The following ROS1 variants were observed in gnomAD, a reference collection of about 807,000 sequenced individuals.
ROS1 encodes ROS proto-oncogene 1, receptor tyrosine kinase.
Under a neutral mutation model 273.5 loss-of-function variants are expected in ROS1, and 263 were observed. The ratio of observed to expected loss-of-function variants is 0.96; its 90% CI spans 0.87 to 1.06. The LOEUF (loss-of-function observed/expected upper bound fraction) is 1.06, where lower values mean the gene tolerates loss of function less well. Ranked by LOEUF, ROS1 falls within the 50% of genes least tolerant of loss-of-function variation. The pLI, the probability that ROS1 is intolerant of heterozygous loss-of-function variation, is 0.00. For synonymous variants in ROS1, 1,008 were observed against 954.1 expected, an observed-to-expected ratio of 1.06 and a Z score of -1.04; for missense variants, 2,833 against 2,751.1, an observed-to-expected ratio of 1.03 and a Z score of -0.67.
At chr6:117,389,248 TA>T (rs1338945799) in intron 13 of ROS1, 101 bp downstream of exon 13, 1 of 1,352,168 alleles carries the variant, frequency 7.4e-7, no homozygotes, top group Non-Finnish European at 1.0e-6. Context: ...GATGACTGAA[TA>T]GCCAAATGGG....
intron 28 of ROS1, 43 bp downstream of exon 28, chr6:117,344,017 G>A (rs565393305): frequency 7.9e-5 from 119 of 1,503,032 alleles, no homozygotes; most frequent in Non-Finnish European, 1.0e-4. Flanking sequence ...TATCAAAAAA[G>A]AACATCTTGT....
Position 117,407,849 on chromosome 6 carries a change from A to G in ROS1, c.316+1733T>C, listed in dbSNP as rs1416974999. Among the ~76,000 whole-genome samples, 3 of 152,222 alleles carry G rather than the reference A, an allele frequency of 2.0e-5. No individual in the cohort carries two copies. The South Asian group carries it at 6.2e-4, about 32-fold the overall frequency. ...GCTACAGTAACCAAAACAGCATGGT[A>G]CTGGTACCAAAACAGAAATATAGAC... On this transcript the variant is annotated intron_variant, in intron 5 of 43. Transcript: ENST00000368507.
intron 27 of ROS1, among the ~76,000 whole-genome samples, chr6:117,350,350 A>G (rs1778726773): frequency 6.6e-6 from 1 of 152,056 alleles, no homozygotes; most frequent in Admixed American, 6.5e-5. Context: ...GAAGTTGGAT[A>G]TAATTCTTAT....
rs1230559688 is a variant in ROS1 at position 117,396,268 on chromosome 6, T to C, written c.807-4A>G. 6.2e-7 allele frequency: 1 copy of C among 1,610,378 alleles called. No individual in the cohort carries two copies. The highest frequency in any genetic ancestry group is 1.3e-5 in the African/African-American group (1 of 74,948). The stretch of plus-strand genomic sequence containing the variant: ...ATTTACTGCTGCAATAGAAAACCTA[T>C]TCCAAAAACAATTTGGAGAGACGTG... On this transcript the variant is annotated splice_region_variant and splice_polypyrimidine_tract_variant and intron_variant, in intron 8 of 43. Transcript: ENST00000368507.
At chr6:117,395,742 T>C (rs1189246997) in intron 9 of ROS1, among the ~76,000 whole-genome samples, 1 of 152,140 alleles carries the variant, frequency 6.6e-6, no homozygotes, top group Non-Finnish European at 1.5e-5. Context: ...AATACTTATA[T>C]AGTAAAATGT....
At chr6:117,369,965 ATG>A (rs1216356874) in intron 18 of ROS1, among the ~76,000 whole-genome samples, 1 of 152,180 alleles carries the variant, frequency 6.6e-6, no homozygotes, top group African/African-American at 2.4e-5. Context: ...ATATACACAT[ATG>A]TATATACATA....
chr6:117,294,264 T>C (rs1358040494), intron 43 of ROS1, among the ~76,000 whole-genome samples: 4 of 152,066 alleles, frequency 2.6e-5, no homozygotes, highest in Non-Finnish European at 5.9e-5. Flanking sequence ...AGGATGGCCA[T>C]TTTCACCACT....
chr6:117,364,953 A>G, intron 21 of ROS1, 107 bp downstream of exon 21: 1 of 1,077,408 alleles, frequency 9.3e-7, no homozygotes, highest in Non-Finnish European at 1.4e-6. Flanking sequence ...GAATCTAAAC[A>G]CATCTATAAA....
chr6:117,395,540 T>C (rs34131577), intron 9 of ROS1, among the ~76,000 whole-genome samples: 9,831 of 152,196 alleles, frequency 0.065, 388 homozygotes, highest in Middle Eastern at 0.099. Context: ...TTGTGAATCT[T>C]TGGATGTTCT....
intron 6 of ROS1, among the ~76,000 whole-genome samples, chr6:117,403,922 A>G (rs1008210413): frequency 6.6e-6 from 1 of 152,216 alleles, no homozygotes; most frequent in Non-Finnish European, 1.5e-5. Context: ...CTTTACGCTT[A>G]TAAGTAATAA....
intron 43 of ROS1, among the ~76,000 whole-genome samples, chr6:117,297,213 A>C (rs921793397): frequency 1.3e-5 from 2 of 152,172 alleles, no homozygotes; most frequent in Non-Finnish European, 2.9e-5. Flanking sequence ...TACAAAAATT[A>C]ACTCAAAGAT....
At chr6:117,293,562 T>C (rs1162796537) in intron 43 of ROS1, among the ~76,000 whole-genome samples, 2 of 152,112 alleles carry the variant, frequency 1.3e-5, no homozygotes, top group Non-Finnish European at 1.5e-5. Flanking sequence ...GCTTAAGTAA[T>C]TTTATATTTT....
In ROS1 at chr6:117,341,607, A is replaced by G. The variant is rs1777935707; in HGVS notation, c.4677T>C (p.Asn1559=). ...GGCTGGTGTCTGACCGCACAGTTGT[A>G]TTAATGAGCTGCACTGCCTCTGGTA... The part of the protein sequence containing the change: ...NGVPEAVQLI[N]TTVRSDTSLI... The change falls in exon 30 of 44, where the codon AAT becomes AAC. Residue 1559 remains asparagine, a synonymous_variant. Coordinates refer to ENST00000368507, the MANE Select transcript of ROS1 (RefSeq NM_001378902.1). 1 of 1,613,420 alleles carries G rather than the reference A, an allele frequency of 6.2e-7. No individual in the cohort carries two copies. Among genetic ancestry groups the G allele is most frequent in the African/African-American group, 1.3e-5 (1 of 74,914 alleles).
At chr6:117,418,544 G>C in intron 1 of ROS1, 38 bp from the exon 2 acceptor site, 2 of 1,516,524 alleles carry the variant, frequency 1.3e-6, no homozygotes, top group Non-Finnish European at 1.8e-6. Context: ...CCAGCCATCA[G>C]TACTGGGTTC....
chr6:117,413,199 T>C (rs1382297826), intron 4 of ROS1, among the ~76,000 whole-genome samples: 1 of 152,246 alleles, frequency 6.6e-6, no homozygotes, highest in Non-Finnish European at 1.5e-5. Flanking sequence ...GGATAATTTA[T>C]ACTGCTTCCC....
chr6:117,338,448 G>A (rs1777638642), intron 31 of ROS1, among the ~76,000 whole-genome samples: 1 of 151,368 alleles, frequency 6.6e-6, no homozygotes, highest in Non-Finnish European at 1.5e-5. Context: ...CAATCCTGCT[G>A]AGACATTTAG....
At chr6:117,400,723 C>T (rs1026313482) in intron 7 of ROS1, among the ~76,000 whole-genome samples, 2 of 152,194 alleles carry the variant, frequency 1.3e-5, no homozygotes, top group African/African-American at 4.8e-5. Context: ...CCCTCTTCTT[C>T]TTCCCAGCCA....
chr6:117,311,190 T>C, intron 39 of ROS1, 73 bp from the exon 40 acceptor site: 4 of 815,498 alleles, frequency 4.9e-6, no homozygotes, highest in Non-Finnish European at 6.0e-6. Flanking sequence ...TGTGTGAATA[T>C]AAGTGGATAC....
At chr6:117,383,692 A>G (rs934236874) in intron 16 of ROS1, among the ~76,000 whole-genome samples, 184 bp from the exon 17 acceptor site, 2 of 152,260 alleles carry the variant, frequency 1.3e-5, no homozygotes, top group Non-Finnish European at 2.9e-5. Flanking sequence ...GCAAACAGGC[A>G]TGGCACCTGC....
Sources: gnomAD v4.1 joint callset for allele counts (sites outside exome capture counted in the v4.1 genomes callset) on GRCh38, gnomAD v4.1.1 for gene constraint, MANE v1.5 for transcripts, NCBI Gene and HGNC (gene_info 2026-07-23, HGNC 2026-07-21) for gene names.